Variants in ART3 observed in about 807,000 individuals in gnomAD.
ART3 encodes the protein ADP-ribosyltransferase 3 (inactive).
In ART3, 49 loss-of-function variants were observed where a neutral mutation model predicts 48.5. The ratio of observed to expected loss-of-function variants is 1.01; its 90% CI spans 0.80 to 1.28. The LOEUF (loss-of-function observed/expected upper bound fraction) is 1.28. Ranked by LOEUF, ART3 falls within the 50% of genes most tolerant of loss-of-function variation. ART3 has a pLI of 0.00. For missense variants in ART3, 438 were observed against 454.3 expected, an observed-to-expected ratio of 0.96 and a Z score of 0.33; for synonymous variants, 145 against 157.2, an observed-to-expected ratio of 0.92 and a Z score of 0.58.
intron 1 of ART3, among the ~76,000 whole-genome samples, chr4:76,014,572 C>CT (rs1732090328): frequency 2.0e-5 from 3 of 151,974 alleles, no homozygotes; most frequent in Non-Finnish European, 4.4e-5. Context: ...ATCAAGTGGA[C>CT]CAATATATGC....
chr4:76,082,537 T>G lies in ART3; in HGVS notation c.781+2T>G. ...ATTATGAGTGTGCATTTCTAGGTGG[T>G]AAGTGTCTGCTCTGTCTGTGCTTGG... On this transcript the variant is annotated splice_donor_variant, in intron 3 of 11. Transcript: ENST00000355810. LOFTEE classifies it high-confidence loss of function. 4 of 1,565,522 alleles carry G rather than the reference T, an allele frequency of 2.6e-6. No homozygotes were observed. The highest frequency in any genetic ancestry group is 3.5e-6 in the Non-Finnish European group (4 of 1,157,094).
intron 1 of ART3, among the ~76,000 whole-genome samples, chr4:76,061,472 C>A (rs1421908666): frequency 2.6e-5 from 4 of 152,196 alleles, no homozygotes; most frequent in African/African-American, 9.7e-5. Context: ...CATCTTCCTG[C>A]CTCTTGTTAA....
intron 1 of ART3, among the ~76,000 whole-genome samples, chr4:76,027,421 TTAAG>T (rs1733502020): frequency 6.6e-6 from 1 of 152,150 alleles, no homozygotes; most frequent in African/African-American, 2.4e-5. Context: ...TGAATGTTAC[TTAAG>T]TAAGTGGCCA....
chr4:76,097,506 C>T (rs1264777807), intron 3 of ART3, 138 bp from the exon 4 acceptor site: 1 of 685,300 alleles, frequency 1.5e-6, no homozygotes, highest in Non-Finnish European at 2.5e-6. Flanking sequence ...CATGCCCAGC[C>T]TGCAATTTGC....
Position 76,100,832 on chromosome 4 carries a change from AT to A in ART3, c.907+14del, listed in dbSNP as rs757904295. ...GGAAGCTTGAAGACCATGGTAAGAC[AT>A]TTTTTATAAATTCTGGGGGCTTACA... On this transcript the variant is annotated intron_variant, in intron 7 of 11. Coordinates refer to ENST00000355810, the MANE Select transcript of ART3 (RefSeq NM_001130016.3). The A allele has an allele frequency of 6.2e-7, 1 of 1,611,314 alleles. No homozygotes were observed. Among genetic ancestry groups the A allele is most frequent in the Non-Finnish European group, 8.5e-7 (1 of 1,179,418 alleles).
chr4:76,064,639 T>C (rs1282699214), intron 1 of ART3, among the ~76,000 whole-genome samples: 2 of 151,910 alleles, frequency 1.3e-5, no homozygotes, highest in Admixed American at 1.3e-4. Flanking sequence ...AACATAAAGA[T>C]AAAAGAACTA....
At chr4:76,094,007 C>T (rs1725481167) in intron 3 of ART3, among the ~76,000 whole-genome samples, 1 of 152,122 alleles carries the variant, frequency 6.6e-6, no homozygotes, top group African/African-American at 2.4e-5. Context: ...GCTGGGAGTA[C>T]CCATGACGGG....
Position 76,075,885 on chromosome 4 carries a change from G to C in ART3, c.-5G>C. ...AATTTCTTTATTTTAATTTAGAAGA[G>C]AAAAATGAAGACGGGACATTTTGAA... On this transcript the variant is annotated 5_prime_UTR_variant, in exon 2 of 12. Coordinates refer to ENST00000355810, the MANE Select transcript of ART3 (RefSeq NM_001130016.3). 1 of 1,607,770 alleles carries C rather than the reference G, an allele frequency of 6.2e-7. No individual in the cohort carries two copies. Among genetic ancestry groups the C allele is most frequent in the Non-Finnish European group, 8.5e-7 (1 of 1,176,668 alleles).
At chr4:76,062,881 C>T (rs971194477) in intron 1 of ART3, among the ~76,000 whole-genome samples, 5 of 152,054 alleles carry the variant, frequency 3.3e-5, no homozygotes, top group Admixed American at 6.6e-5. Flanking sequence ...TTCAAATGCT[C>T]AGTAGCTACA....
At chr4:76,068,779 A>G (rs1719998160) in intron 1 of ART3, among the ~76,000 whole-genome samples, 1 of 152,222 alleles carries the variant, frequency 6.6e-6, no homozygotes. Flanking sequence ...TGTACCCTTG[A>G]GCCTAAAATA....
At position 76,082,094 on chromosome 4, in the gene ART3, C is replaced by A; in HGVS notation, c.340C>A (p.Leu114Met). The A allele has an allele frequency of 6.2e-7, 1 of 1,614,224 alleles. No homozygotes were observed. Residue 114 changes from leucine to methionine, a missense_variant, in exon 3 of 12, where the codon CTG becomes ATG. Leu to Met is a conservative substitution (Grantham distance 15). Transcript: ENST00000355810. ...TCAAGAGCAAACTCCCTTTTACCAT[C>A]TGTTCAGTGAAGCTGTGAAGATGGC... is the stretch of plus-strand genomic sequence containing the variant. Reference protein sequence around the residue: ...EAQEQTPFYHLFSEAVKMAGQ... With the variant: ...EAQEQTPFYHMFSEAVKMAGQ...
chr4:76,052,980 C>T (rs1736281787), intron 1 of ART3, among the ~76,000 whole-genome samples: 1 of 152,198 alleles, frequency 6.6e-6, no homozygotes, highest in East Asian at 1.9e-4. Context: ...CCACCTGCCT[C>T]AGCCTCCCAA....
intron 1 of ART3, among the ~76,000 whole-genome samples, chr4:76,046,762 A>G (rs1046791923): frequency 6.6e-6 from 1 of 151,976 alleles, no homozygotes. Flanking sequence ...GACTTTCAGG[A>G]ATAACAAAAA....
intron 2 of ART3, among the ~76,000 whole-genome samples, chr4:76,076,343 T>C (rs1721082144): frequency 6.7e-6 from 1 of 148,592 alleles, no homozygotes; most frequent in Non-Finnish European, 1.5e-5. Context: ...CTGAGGCATC[T>C]GTGTGGCTTG....
rs1350805911 is a variant in ART3, at chr4:76,045,379, C to T, written c.-9-30502C>T. On this transcript the variant is annotated intron_variant, in intron 1 of 9. Coordinates refer to the ART3 transcript ENST00000341029. ...TGCCTGGCATCTAAGAGGCGGTTGT[C>T]TGATAGCCATAAACTTCCTTTGGCA... Among the ~76,000 whole-genome samples, 11 of 152,170 alleles carry T rather than the reference C, an allele frequency of 7.2e-5. No homozygotes were observed. The South Asian group carries it at 1.9e-3, about 26-fold the overall frequency.
chr4:76,013,998 C>T (rs1046725534), intron 1 of ART3, among the ~76,000 whole-genome samples: 2 of 152,104 alleles, frequency 1.3e-5, no homozygotes, highest in African/African-American at 4.8e-5. Context: ...GATTAGGAAG[C>T]TCTAATGCAT....
chr4:76,060,178 A>G (rs1719074108), intron 1 of ART3, among the ~76,000 whole-genome samples: 1 of 152,008 alleles, frequency 6.6e-6, no homozygotes, highest in African/African-American at 2.4e-5. Context: ...CCTTTGTCCT[A>G]TTTTCTTCTT....
chr4:76,092,732 C>T (rs1304953810), intron 3 of ART3, among the ~76,000 whole-genome samples: 3 of 152,058 alleles, frequency 2.0e-5, no homozygotes, highest in Non-Finnish European at 2.9e-5. Flanking sequence ...TTTTTCACCC[C>T]TCTCTTCTTC....
chr4:76,057,243 G>C (rs959295494), intron 1 of ART3, among the ~76,000 whole-genome samples: 1 of 152,150 alleles, frequency 6.6e-6, no homozygotes, highest in South Asian at 2.1e-4. Flanking sequence ...ACAGGTTGGA[G>C]GAGACTTAAG....
Sources: allele counts gnomAD v4.1 joint callset (sites outside exome capture counted in the v4.1 genomes callset), GRCh38; gene constraint gnomAD v4.1.1; transcripts MANE v1.5; gene names NCBI Gene and HGNC (gene_info 2026-07-23, HGNC 2026-07-21).